The following ZNF141 variants were observed in gnomAD, a reference collection of about 807,000 sequenced individuals.
ZNF141 encodes the protein zinc finger protein 141 (clone pHZ-44).
Under a neutral mutation model 11.3 loss-of-function variants are expected in ZNF141, and 7 were observed. The observed-to-expected ratio is 0.62, with a 90% CI of 0.35 to 1.16. ZNF141 has a LOEUF of 1.16. ZNF141 is among the 50% of genes most tolerant of loss of function. The pLI, the probability that ZNF141 is intolerant of heterozygous loss-of-function variation, is 0.02. For synonymous variants in ZNF141, 183 were observed against 190.7 expected (o/e 0.96, Z 0.33); for missense variants, 535 against 554.0 (o/e 0.97, Z 0.34).
chr4:340,749 A>T (rs530047964), intron 1 of ZNF141, among the ~76,000 whole-genome samples: 8 of 152,348 alleles, frequency 5.3e-5, no homozygotes, highest in African/African-American at 1.9e-4. Flanking sequence ...GTTGTTTGCT[A>T]TTGCCACAAG....
At chr4:363,290 T>G (rs1711574274) in intron 3 of ZNF141, among the ~76,000 whole-genome samples, 1 of 152,178 alleles carries the variant, frequency 6.6e-6, no homozygotes, top group Non-Finnish European at 1.5e-5. Context: ...GATGGGGTTT[T>G]CTAAATACAC....
chr4:378,553 C>A lies in ZNF141; in HGVS notation c.*4691C>A, dbSNP rs1420980360. On this transcript the variant is annotated 3_prime_UTR_variant, in exon 4 of 4. Transcript: ENST00000240499. The stretch of plus-strand genomic sequence containing the variant: ...GAAGTACTGGGATTACAGGCATGAG[C>A]CACCGTGCCTGGCCAGAATATTATA... Among the ~76,000 whole-genome samples, 1 of 152,114 alleles carries A rather than the reference C, an allele frequency of 6.6e-6. No homozygotes were observed. The highest frequency in any genetic ancestry group is 1.9e-4 in the East Asian group (1 of 5,180).
intron 3 of ZNF141, among the ~76,000 whole-genome samples, chr4:353,246 A>C (rs1405648482): frequency 6.6e-6 from 1 of 151,756 alleles, no homozygotes; most frequent in Non-Finnish European, 1.5e-5. Flanking sequence ...TGGTGGCACG[A>C]ACTTGTATTC....
At chr4:346,731 C>A (rs1432821794) in intron 3 of ZNF141, among the ~76,000 whole-genome samples, 1 of 152,004 alleles carries the variant, frequency 6.6e-6, no homozygotes, top group South Asian at 2.1e-4. Context: ...TTTGTCTTTC[C>A]GTGTTTGGCT....
Position 374,103 on chromosome 4 carries a change from A to G in ZNF141, c.*241A>G. 1 of 533,454 alleles carries G rather than the reference A, an allele frequency of 1.9e-6. No individual in the cohort carries two copies. Among genetic ancestry groups the G allele is most frequent in the Non-Finnish European group, 3.3e-6 (1 of 299,882 alleles). 33.0% of individuals were successfully genotyped at this position (533,454 alleles called of 1,614,324 possible). On this transcript the variant is annotated 3_prime_UTR_variant, in exon 4 of 4. Transcript: ENST00000240499. Reference sequence around the variant, plus strand: ...CACAAACCTGAATGAGCAGAAGAAAATTATTACTGGAGATAAACCCTGCAA... The same window carrying G: ...CACAAACCTGAATGAGCAGAAGAAAGTTATTACTGGAGATAAACCCTGCAA...
rs918031919 is a variant in ZNF141, at chr4:381,127, A to G, written c.*7265A>G. 2.0e-5 allele frequency among the ~76,000 whole-genome samples: 3 copies of G among 152,186 alleles called. No homozygotes were observed. Among genetic ancestry groups the G allele is most frequent in the Non-Finnish European group, 4.4e-5 (3 of 68,040 alleles). ...TATTTACTACAAACTCACATAGTAC[A>G]TTATGACTTTATTACTGTTATAATA... On this transcript the variant is annotated 3_prime_UTR_variant, in exon 4 of 4. Coordinates refer to ENST00000240499, the MANE Select transcript of ZNF141 (RefSeq NM_003441.4).
chr4:350,947 C>T (rs561419224), intron 3 of ZNF141, among the ~76,000 whole-genome samples: 127 of 150,972 alleles, frequency 8.4e-4, no homozygotes, highest in Middle Eastern at 6.8e-3. Flanking sequence ...GACGGGGTTT[C>T]ACCATGTTAG....
At position 382,629 on chromosome 4, in the gene ZNF141, A is replaced by G. The variant is rs1452846698; in HGVS notation, c.*8767A>G. Reference sequence around the variant, plus strand: ...TCTCAAATTGTTTACAGTTTTTCCAAGAGACTTCAGAACCATTCCCTGGAG... The same window carrying G: ...TCTCAAATTGTTTACAGTTTTTCCAGGAGACTTCAGAACCATTCCCTGGAG... On this transcript the variant is annotated 3_prime_UTR_variant, in exon 4 of 4. Transcript: ENST00000240499. The G allele has an allele frequency of 6.6e-6, 1 of 152,348 alleles. No individual in the cohort carries two copies. The allele number at this position is 152,348 out of a possible 1,614,324, so 9.4% of individuals were successfully genotyped here.
rs1209193184 is a variant in ZNF141, at chr4:373,217, TG to T, written c.782del (p.Gly261AlafsTer94). The T allele has an allele frequency of 2.5e-6, 4 of 1,613,948 alleles. No individual in the cohort carries two copies. In the African/African-American group the frequency reaches 5.3e-5, roughly 22 times the overall value. ...GEKPYKCEEC[G>X]KAFNRFTTLT... Reference sequence around the variant, plus strand: ...AAAAACCCTATAAATGTGAAGAATGTGGCAAAGCCTTTAATAGGTTCACAAC... The same window carrying T: ...AAAAACCCTATAAATGTGAAGAATGTGCAAAGCCTTTAATAGGTTCACAAC... On this transcript the variant is annotated frameshift_variant, in exon 4 of 4. Coordinates refer to ENST00000240499, the MANE Select transcript of ZNF141 (RefSeq NM_003441.4). LOFTEE classifies it low-confidence loss of function (END_TRUNC).
intron 3 of ZNF141, among the ~76,000 whole-genome samples, chr4:363,726 C>T (rs1182664081): frequency 2.0e-5 from 3 of 151,572 alleles, no homozygotes; most frequent in Non-Finnish European, 4.4e-5. Flanking sequence ...CCACTGTACT[C>T]CAGCCTGCAC....
intron 1 of ZNF141, among the ~76,000 whole-genome samples, chr4:338,969 A>G (rs777763452): frequency 6.6e-6 from 1 of 152,224 alleles, no homozygotes; most frequent in Non-Finnish European, 1.5e-5. Flanking sequence ...CTGTTCCTCC[A>G]GGTCTCCTCC....
Position 374,182 on chromosome 4 carries a change from A to T in ZNF141, c.*320A>T. On this transcript the variant is annotated 3_prime_UTR_variant, in exon 4 of 4. Coordinates refer to ENST00000240499, the MANE Select transcript of ZNF141 (RefSeq NM_003441.4). ...CAGCCCTCACCGGTGAATAAACATA[A>T]GAAAAATCATGCTGGAGGGAAGCCC... is the stretch of plus-strand genomic sequence containing the variant. 1 of 360,032 alleles carries T rather than the reference A, an allele frequency of 2.8e-6. No homozygotes were observed. The highest frequency in any genetic ancestry group is 3.1e-5 in the South Asian group (1 of 31,860). The allele number at this position is 360,032 out of a possible 1,614,324, so 22.3% of individuals were successfully genotyped here.
At chr4:351,998 G>A (rs782297177) in intron 3 of ZNF141, among the ~76,000 whole-genome samples, 5 of 152,146 alleles carry the variant, frequency 3.3e-5, no homozygotes, top group Non-Finnish European at 5.9e-5. Flanking sequence ...AAGGAGTATT[G>A]CAGTGGGGAA....
intron 3 of ZNF141, among the ~76,000 whole-genome samples, chr4:369,598 T>G (rs1711922561): frequency 6.6e-6 from 1 of 151,148 alleles, no homozygotes; most frequent in African/African-American, 2.4e-5. Context: ...ACTGGATTAT[T>G]TTATCTCTGT....
rs1712298895 is a variant in ZNF141, at chr4:375,096, T to C, written c.*1234T>C. 2.6e-5 allele frequency: 4 copies of C among 152,088 alleles called. No homozygotes were observed. Among genetic ancestry groups the C allele is most frequent in the Admixed American group, 2.6e-4 (4 of 15,272 alleles). The allele number at this position is 152,088 out of a possible 1,614,324, so 9.4% of individuals were successfully genotyped here. The stretch of plus-strand genomic sequence containing the variant: ...TGATATCCTTTATATTCGAGAAAAG[T>C]TATAGAAATATAAAAAATATAGAAA... On this transcript the variant is annotated 3_prime_UTR_variant, in exon 4 of 4. Transcript: ENST00000240499.
chr4:353,125 C>G (rs1721682057), intron 3 of ZNF141, among the ~76,000 whole-genome samples: 1 of 152,126 alleles, frequency 6.6e-6, no homozygotes, highest in Non-Finnish European at 1.5e-5. Context: ...GTAATCCTAG[C>G]ACTTTGGAAG....
Position 380,290 on chromosome 4 carries a change from C to A in ZNF141, c.*6428C>A, listed in dbSNP as rs11734441. Among the ~76,000 whole-genome samples the A allele has an allele frequency of 0.43, 65,893 of 152,040 alleles. 14,884 individuals are homozygous for A. The highest frequency in any genetic ancestry group is 0.57 in the African/African-American group (23,542 of 41,444). On this transcript the variant is annotated 3_prime_UTR_variant, in exon 4 of 4. Coordinates refer to ENST00000240499, the MANE Select transcript of ZNF141 (RefSeq NM_003441.4). Reference sequence around the variant, plus strand: ...TGTATTAAAGCATGTATTGGAATTCCGTATATACATGTTTTAGTAATAGTT... The same window carrying A: ...TGTATTAAAGCATGTATTGGAATTCAGTATATACATGTTTTAGTAATAGTT...
At chr4:348,728 CAAAA>C (rs200772158) in intron 3 of ZNF141, among the ~76,000 whole-genome samples, 1 of 85,866 alleles carries the variant, frequency 1.2e-5, no homozygotes, top group African/African-American at 4.2e-5. Context: ...GACTCCATCT[CAAAA>C]AAAAAAAAAA....
In ZNF141 at chr4:377,569, CGTAATTTCACGTG is replaced by C. The variant is rs1553854840; in HGVS notation, c.*3709_*3721del. On this transcript the variant is annotated 3_prime_UTR_variant, in exon 4 of 4. Coordinates refer to ENST00000240499, the MANE Select transcript of ZNF141 (RefSeq NM_003441.4). The stretch of plus-strand genomic sequence containing the variant: ...GTTTGTCACTGTTCTCTTCATTCCA[CGTAATTTCACGTG>C]GACTTTAGGTTAACTGGGGTGTTTG... Among the ~76,000 whole-genome samples the C allele has an allele frequency of 2.0e-5, 3 of 152,134 alleles. No homozygotes were observed. Among genetic ancestry groups the C allele is most frequent in the Non-Finnish European group, 2.9e-5 (2 of 68,038 alleles).
Sources: allele counts gnomAD v4.1 joint callset (sites outside exome capture counted in the v4.1 genomes callset), GRCh38; gene constraint gnomAD v4.1.1; transcripts MANE v1.5; gene names NCBI Gene and HGNC (gene_info 2026-07-23, HGNC 2026-07-21).